TIAM1: variants seen among roughly 807,000 people sequenced by gnomAD.
TIAM1 encodes the protein rho guanine nucleotide exchange factor TIAM1.
In TIAM1, 65 loss-of-function variants were observed where a neutral mutation model predicts 163.5. The ratio of observed to expected loss-of-function variants is 0.40; its 90% CI spans 0.33 to 0.49. The LOEUF (loss-of-function observed/expected upper bound fraction) is 0.49, where lower values mean the gene tolerates loss of function less well. Among genes scored for constraint, TIAM1 ranks in the 20% least tolerant of loss-of-function variants. TIAM1 has a pLI of 0.77. For synonymous variants in TIAM1, 833 were observed against 810.1 expected (o/e 1.03, Z -0.48); for missense variants, 1,789 against 2,044.7 (o/e 0.87, Z 2.41).
chr21:31,155,723 C>T (rs1323894698), intron 16 of TIAM1, among the ~76,000 whole-genome samples: 5 of 152,094 alleles, frequency 3.3e-5, no homozygotes, highest in Non-Finnish European at 7.4e-5. Context: ...CCAGGATGGT[C>T]TCAATCTGAC....
In TIAM1 at chr21:31,120,695, C is replaced by G. The variant is rs2081968207; in HGVS notation, c.4449G>C (p.Trp1483Cys). The G allele has an allele frequency of 1.2e-6, 2 of 1,614,032 alleles. No individual in the cohort carries two copies. Among genetic ancestry groups the G allele is most frequent in the Non-Finnish European group, 1.7e-6 (2 of 1,180,018 alleles). ...QPPGGGDTDRWVEEQFDLAQY... is the reference protein window; with the variant it reads ...QPPGGGDTDRCVEEQFDLAQY... The stretch of plus-strand genomic sequence containing the variant: ...GAGCAAGATCAAACTGCTCCTCTAC[C>G]CATCGGTCAGTGTCCCCACCACCGG... The change falls in exon 28 of 28, where the codon TGG (tryptophan) becomes TGC (cysteine). Residue 1483 changes from tryptophan (W) to cysteine (C), a missense_variant. Coordinates refer to ENST00000541036, the MANE Select transcript of TIAM1 (RefSeq NM_001353694.2). The surrounding 1 kb of genome is among the most constrained non-coding windows in gnomAD (Gnocchi z 4.2).
At chr21:31,411,399 C>T (rs537047194) in intron 2 of TIAM1, among the ~76,000 whole-genome samples, 1 of 151,888 alleles carries the variant, frequency 6.6e-6, no homozygotes, top group South Asian at 2.1e-4. Context: ...TTCAGCATGT[C>T]TCAACCCTGC....
chr21:31,543,525 G>A (rs888448567), intron 1 of TIAM1, among the ~76,000 whole-genome samples: 1 of 146,662 alleles, frequency 6.8e-6, no homozygotes, highest in Non-Finnish European at 1.5e-5. Flanking sequence ...ACATTGTAAC[G>A]ATTCAGAAGG....
At chr21:31,226,697 T>C (rs1235183599) in intron 6 of TIAM1, among the ~76,000 whole-genome samples, 1 of 152,152 alleles carries the variant, frequency 6.6e-6, no homozygotes, top group Admixed American at 6.5e-5. Context: ...AATGATTCTT[T>C]AGGAATTCAA....
intron 16 of TIAM1, among the ~76,000 whole-genome samples, chr21:31,155,509 CTT>C (rs58016661): frequency 1.4e-5 from 2 of 146,912 alleles, no homozygotes. Flanking sequence ...AATTTTCTTA[CTT>C]TTTTTTTTTT....
At chr21:31,191,174 T>C (rs931134258) in intron 13 of TIAM1, among the ~76,000 whole-genome samples, 1 of 152,084 alleles carries the variant, frequency 6.6e-6, no homozygotes, top group Non-Finnish European at 1.5e-5. Flanking sequence ...TTCTTTTTTT[T>C]TTCTTTGAGA....
chr21:31,232,569 C>T (rs535925995), intron 6 of TIAM1, among the ~76,000 whole-genome samples: 16 of 152,284 alleles, frequency 1.1e-4, no homozygotes, highest in African/African-American at 3.6e-4. Flanking sequence ...CATTTACTGG[C>T]TTAACACCTC....
At chr21:31,144,496 A>G (rs907497893) in intron 20 of TIAM1, among the ~76,000 whole-genome samples, 1 of 152,186 alleles carries the variant, frequency 6.6e-6, no homozygotes, top group Non-Finnish European at 1.5e-5. Context: ...TGTTGTTCTC[A>G]GAGTTATCCT....
At chr21:31,170,638 A>G (rs1369729241) in intron 15 of TIAM1, among the ~76,000 whole-genome samples, 1 of 152,240 alleles carries the variant, frequency 6.6e-6, no homozygotes, top group African/African-American at 2.4e-5. Context: ...GAGAGCTCAG[A>G]AACAGAGCCT....
At chr21:31,430,225 A>ACT (rs1177898443) in intron 2 of TIAM1, among the ~76,000 whole-genome samples, 1 of 90,280 alleles carries the variant, frequency 1.1e-5, no homozygotes. Context: ...AAAAAAAAAA[A>ACT]ATATATATAT....
Position 31,120,934 on chromosome 21 carries a change from A to C in TIAM1, c.4307-97T>G. On this transcript the variant is annotated intron_variant, in intron 27 of 27. Transcript: ENST00000541036. The surrounding 1 kb of genome is among the most constrained non-coding windows in gnomAD (Gnocchi z 4.2). The stretch of plus-strand genomic sequence containing the variant: ...AAGGACAGGAGAAAATAAAAACCAA[A>C]ACGGTATGCATTGAATGCCTTGATG... 2 of 1,178,072 alleles carry C rather than the reference A, an allele frequency of 1.7e-6. No individual in the cohort carries two copies. The highest frequency in any genetic ancestry group is 2.3e-6 in the Non-Finnish European group (2 of 858,618). 73.0% of individuals were successfully genotyped at this position (1,178,072 alleles called of 1,614,324 possible).
intron 1 of TIAM1, among the ~76,000 whole-genome samples, chr21:31,505,117 G>C (rs1168619447): frequency 6.6e-6 from 1 of 152,194 alleles, no homozygotes; most frequent in Non-Finnish European, 1.5e-5. Context: ...ATGGTGTGTA[G>C]CTAAGAACAA....
intron 1 of TIAM1, among the ~76,000 whole-genome samples, chr21:31,503,641 AC>A (rs1281062248): frequency 5.1e-5 from 2 of 38,926 alleles, no homozygotes; most frequent in Non-Finnish European, 1.0e-4. Flanking sequence ...TCCAAAATAC[AC>A]TTGCTTTTTC....
intron 22 of TIAM1, among the ~76,000 whole-genome samples, chr21:31,139,972 TC>T (rs1429108870): frequency 6.6e-6 from 1 of 152,218 alleles, no homozygotes; most frequent in Non-Finnish European, 1.5e-5. Context: ...ACAATTCACC[TC>T]AACATTTCTT....
At position 31,430,298 on chromosome 21, in the gene TIAM1, G is replaced by C. The variant is rs1365358416; in HGVS notation, c.-369+33685C>G. Among the ~76,000 whole-genome samples, 6 of 147,764 alleles carry C rather than the reference G, an allele frequency of 4.1e-5. No homozygotes were observed. The East Asian group carries it at 1.2e-3, about 29-fold the overall frequency. On this transcript the variant is annotated intron_variant, in intron 2 of 28. Transcript: ENST00000286827. ...CATATATATATATATTGCACAGTGG[G>C]GAATCCCCATGATAAATCCCTCTGC... is the stretch of plus-strand genomic sequence containing the variant.
intron 2 of TIAM1, among the ~76,000 whole-genome samples, chr21:31,281,495 G>A (rs768358270): frequency 2.0e-5 from 3 of 152,172 alleles, no homozygotes; most frequent in Non-Finnish European, 2.9e-5. Flanking sequence ...ATGACAATCA[G>A]GAGGTTTTCC....
chr21:31,192,115 T>C (rs1037110504), intron 13 of TIAM1, among the ~76,000 whole-genome samples: 2 of 152,196 alleles, frequency 1.3e-5, no homozygotes, highest in Non-Finnish European at 2.9e-5. Context: ...CCTGGCTTTA[T>C]TATGTCTTTA....
At chr21:31,340,552 A>AG (rs1056960551) in intron 1 of TIAM1, among the ~76,000 whole-genome samples, 6 of 152,082 alleles carry the variant, frequency 3.9e-5, no homozygotes, top group Admixed American at 1.3e-4. Flanking sequence ...ATTTTTAGAG[A>AG]GGGGGTCTCA....
At chr21:31,463,213 T>C (rs2045398188) in intron 2 of TIAM1, among the ~76,000 whole-genome samples, 1 of 152,178 alleles carries the variant, frequency 6.6e-6, no homozygotes, top group South Asian at 2.1e-4. Flanking sequence ...TTTGAACTCT[T>C]ACCTGCCGAA....
Sources: gnomAD v4.1 joint callset for allele counts (sites outside exome capture counted in the v4.1 genomes callset) on GRCh38, gnomAD v4.1.1 for gene constraint, Gnocchi (gnomAD v3.1) non-coding constraint, MANE v1.5 for transcripts, NCBI Gene and HGNC (gene_info 2026-07-23, HGNC 2026-07-21) for gene names.